SEZ6L2: variants seen among roughly 807,000 people sequenced by gnomAD.
The protein encoded by SEZ6L2 is seizure related 6 homolog like 2, also known as seizure 6-like protein 2.
Under a neutral mutation model 97.0 loss-of-function variants are expected in SEZ6L2, and 44 were observed. That is an observed-to-expected ratio of 0.45 (90% confidence interval 0.36 to 0.58). The LOEUF is 0.58. Among genes scored for constraint, SEZ6L2 ranks in the 20% least tolerant of loss-of-function variants. The pLI, the probability that SEZ6L2 is intolerant of heterozygous loss-of-function variation, is 0.00. For synonymous variants in SEZ6L2, 543 were observed against 546.1 expected (o/e 0.99, Z 0.08); for missense variants, 1,086 against 1,233.3 (o/e 0.88, Z 1.79).
At chr16:29,885,788 C>T in intron 7 of SEZ6L2, 39 bp from the exon 8 acceptor site, 1 of 1,578,244 alleles carries the variant, frequency 6.3e-7, no homozygotes, top group Non-Finnish European at 8.6e-7. Flanking sequence ...CTCAATCTCC[C>T]TCACAAGCTG....
chr16:29,897,191 G>T, intron 2 of SEZ6L2, 70 bp from the exon 3 acceptor site: 1 of 1,333,666 alleles, frequency 7.5e-7, no homozygotes, highest in Non-Finnish European at 1.0e-6. Flanking sequence ...GAGCAGGGCT[G>T]AGGGAAGCTA....
At chr16:29,878,986 T>A (rs1434626212) in intron 9 of SEZ6L2, among the ~76,000 whole-genome samples, 1 of 151,894 alleles carries the variant, frequency 6.6e-6, no homozygotes, top group Non-Finnish European at 1.5e-5. Flanking sequence ...CACTGCAATC[T>A]CCACCTCGCA....
At chr16:29,890,743 C>CTTTTTTTT (rs71143763) in intron 5 of SEZ6L2, among the ~76,000 whole-genome samples, 4 of 74,360 alleles carry the variant, frequency 5.4e-5, no homozygotes, top group African/African-American at 1.2e-4. Context: ...TAACCATTGT[C>CTTTTTTTT]TTTTTTTTTT....
Position 29,888,726 on chromosome 16 carries a change from C to A in SEZ6L2, c.854-1G>T, listed in dbSNP as rs28496986. The stretch of plus-strand genomic sequence containing the variant: ...GGGAAGCCACAGCTCAGGAGGTAGG[C>A]TGCACCAGACAGACAGCGGGTAGCA... On this transcript the variant is annotated splice_acceptor_variant, in intron 5 of 17. Transcript: ENST00000617533. LOFTEE classifies it high-confidence loss of function. 3.1e-6 allele frequency: 5 copies of A among 1,608,636 alleles called. No individual in the cohort carries two copies. The highest frequency in any genetic ancestry group is 4.2e-6 in the Non-Finnish European group (5 of 1,177,212).
Position 29,888,526 on chromosome 16 carries a change from G to C in SEZ6L2, c.1039+14C>G. On this transcript the variant is annotated intron_variant, in intron 6 of 17. Coordinates refer to ENST00000617533, the MANE Select transcript of SEZ6L2 (RefSeq NM_001243332.2). Reference sequence around the variant, plus strand: ...CCAGAACAGATGCCCCACCCACTGTGGCAGGAGACTCACCCATGCAGCTGG... The same window carrying C: ...CCAGAACAGATGCCCCACCCACTGTCGCAGGAGACTCACCCATGCAGCTGG... The C allele has an allele frequency of 1.2e-6, 2 of 1,611,194 alleles. No homozygotes were observed. The highest frequency in any genetic ancestry group is 1.7e-6 in the Non-Finnish European group (2 of 1,178,114).
In SEZ6L2 at chr16:29,873,476, C is replaced by T. The variant is rs928870819; in HGVS notation, c.2297-45G>A. 5 of 1,613,752 alleles carry T rather than the reference C, an allele frequency of 3.1e-6. No individual in the cohort carries two copies. Among genetic ancestry groups the T allele is most frequent in the South Asian group, 1.1e-5 (1 of 91,040 alleles). On this transcript the variant is annotated intron_variant, in intron 13 of 17. Transcript: ENST00000617533. The surrounding 1 kb of genome is among the most constrained non-coding windows in gnomAD (Gnocchi z 4.3). ...CACGTGCCAGCTGCACTACTGTGCA[C>T]GGGGCAGACGGGCTCTCCCAGGGCT...
intron 8 of SEZ6L2, among the ~76,000 whole-genome samples, chr16:29,883,046 T>A (rs1444883663): frequency 6.6e-6 from 1 of 152,230 alleles, no homozygotes; most frequent in Non-Finnish European, 1.5e-5. Context: ...AGATCCACTG[T>A]TCTATTTCAC....
At chr16:29,877,618 T>C in intron 10 of SEZ6L2, 151 bp from the exon 11 acceptor site, 1 of 731,380 alleles carries the variant, frequency 1.4e-6, no homozygotes, top group African/African-American at 1.8e-5. Flanking sequence ...CCGCCTCCGT[T>C]TTGACCAACC....
At position 29,899,063 on chromosome 16, in the gene SEZ6L2, T is replaced by A; in HGVS notation, c.-44A>T. The A allele has an allele frequency of 3.6e-6, 5 of 1,386,010 alleles. No individual in the cohort carries two copies. The highest frequency in any genetic ancestry group is 3.0e-6 in the Non-Finnish European group (3 of 993,300). The allele number at this position is 1,386,010 out of a possible 1,614,324, so 85.9% of individuals were successfully genotyped here. A position where few individuals can be genotyped will look rare whatever the true frequency, so the allele number is the denominator to read the frequency against. On this transcript the variant is annotated 5_prime_UTR_variant, in exon 1 of 18. Transcript: ENST00000617533. ...CTCTCCTCTGTGCCTCTCTAAGTAA[T>A]CTGGCTGCCACCTTTCCTCCGTCTC...
rs113064043 is a variant in SEZ6L2 at position 29,887,928 on chromosome 16, G to A, written c.1040-111C>T. ...GCATTCACACATTTGGCTGGGACCC[G>A]GCCCAGGGCTGGCCTCTGTCCCATG... On this transcript the variant is annotated intron_variant, in intron 6 of 17. Coordinates refer to ENST00000617533, the MANE Select transcript of SEZ6L2 (RefSeq NM_001243332.2). 1.0e-3 allele frequency: 1,233 copies of A among 1,208,500 alleles called. 7 individuals carry two copies. In the African/African-American group the frequency reaches 0.017, roughly 17 times the overall value. 74.9% of individuals were successfully genotyped at this position (1,208,500 alleles called of 1,614,324 possible).
At position 29,898,951 on chromosome 16, in the gene SEZ6L2, G is replaced by C. The variant is rs1173676235; in HGVS notation, c.69C>G (p.Pro23=). ...QLLFLILLSC[P]WIQGLPLKEE... is the part of the protein sequence containing the mutation. ...GTCTCATGTCCTTACCCTGGATCCA[G>C]GGACAGCTCAGCAGAATTAGGAACA... The change falls in exon 1 of 18, where the codon CCC becomes CCG. Residue 23 remains proline, a synonymous_variant. Transcript: ENST00000617533. 6.2e-7 allele frequency: 1 copy of C among 1,611,304 alleles called. No homozygotes were observed. Among genetic ancestry groups the C allele is most frequent in the Non-Finnish European group, 8.5e-7 (1 of 1,179,486 alleles).
At chr16:29,887,309 T>TC (rs2068164032) in intron 7 of SEZ6L2, among the ~76,000 whole-genome samples, 1 of 151,168 alleles carries the variant, frequency 6.6e-6, no homozygotes, top group African/African-American at 2.4e-5. Flanking sequence ...GGACTTCTTT[T>TC]TTTTTTTTTG....
At chr16:29,890,500 G>A (rs2150807740) in intron 5 of SEZ6L2, among the ~76,000 whole-genome samples, 1 of 152,012 alleles carries the variant, frequency 6.6e-6, no homozygotes, top group East Asian at 1.9e-4. Flanking sequence ...CCAGGTTCAG[G>A]GTTGATCTCC....
intron 5 of SEZ6L2, among the ~76,000 whole-genome samples, chr16:29,894,598 C>A (rs1421067295): frequency 1.3e-5 from 2 of 152,122 alleles, no homozygotes; most frequent in African/African-American, 2.4e-5. Flanking sequence ...TTATAACCAT[C>A]CTGATTACTC....
Position 29,877,286 on chromosome 16 carries a change from C to G in SEZ6L2, c.1894G>C (p.Val632Leu). 4 of 1,600,066 alleles carry G rather than the reference C, an allele frequency of 2.5e-6. No individual in the cohort carries two copies. Among genetic ancestry groups the G allele is most frequent in the Non-Finnish European group, 2.6e-6 (3 of 1,173,044 alleles). Residue 632 changes from valine to leucine, a missense_variant, in exon 11 of 18, where the codon GTA (valine) becomes CTA (leucine). Physicochemically the swap from Val to Leu is conservative, Grantham distance 32. Transcript: ENST00000617533. Reference protein sequence around the residue: ...PPNPGLGQGFVLHFKEVPRND... With the variant: ...PPNPGLGQGFLLHFKEVPRND... Reference sequence around the variant, plus strand: ...CCCTCAGTACCTTTGAAGTGCAATACGAAGCCCTGGCCCAGGCCTGGATTT... The same window carrying G: ...CCCTCAGTACCTTTGAAGTGCAATAGGAAGCCCTGGCCCAGGCCTGGATTT...
At chr16:29,886,407 G>C (rs1039176393) in intron 7 of SEZ6L2, among the ~76,000 whole-genome samples, 1 of 151,722 alleles carries the variant, frequency 6.6e-6, no homozygotes, top group Admixed American at 6.6e-5. Flanking sequence ...CAGGTGCAGT[G>C]GTTCATGCCT....
At chr16:29,892,111 T>G (rs1397820714) in intron 5 of SEZ6L2, among the ~76,000 whole-genome samples, 1 of 152,144 alleles carries the variant, frequency 6.6e-6, no homozygotes, top group East Asian at 1.9e-4. Context: ...CTAAGGTTGG[T>G]GAAAGGGCTT....
At chr16:29,882,959 A>T (rs2068059539) in intron 8 of SEZ6L2, among the ~76,000 whole-genome samples, 1 of 152,318 alleles carries the variant, frequency 6.6e-6, no homozygotes, top group East Asian at 1.9e-4. Context: ...AGGACTCACA[A>T]CTTGCTATTT....
At chr16:29,898,103 G>T in intron 1 of SEZ6L2, 119 bp from the exon 2 acceptor site, 1 of 1,450,304 alleles carries the variant, frequency 6.9e-7, no homozygotes, top group Non-Finnish European at 9.3e-7. Flanking sequence ...GGCTCAGATG[G>T]TCCCAGGCTC....
Sources: allele counts gnomAD v4.1 joint callset (sites outside exome capture counted in the v4.1 genomes callset), GRCh38; gene constraint gnomAD v4.1.1; non-coding constraint Gnocchi (gnomAD v3.1); transcripts MANE v1.5; gene names NCBI Gene and HGNC (gene_info 2026-07-23, HGNC 2026-07-21).